PBRM1: variants seen among roughly 807,000 people sequenced by gnomAD.
PBRM1 encodes the protein polybromo 1.
PBRM1 carries 27 observed loss-of-function variants against 194.5 expected under a neutral mutation model. The ratio of observed to expected loss-of-function variants is 0.14; its 90% CI spans 0.10 to 0.19. The LOEUF is 0.19. Among genes scored for constraint, PBRM1 ranks in the 10% least tolerant of loss-of-function variants. The pLI is 1.00. For synonymous variants in PBRM1, 655 were observed against 693.2 expected, an observed-to-expected ratio of 0.94 and a Z score of 0.87; for missense variants, 1,466 against 2,077.2, an observed-to-expected ratio of 0.71 and a Z score of 5.72.
At chr3:52,663,642 C>G (rs914592482) in intron 3 of PBRM1, among the ~76,000 whole-genome samples, 1 of 151,964 alleles carries the variant, frequency 6.6e-6, no homozygotes, top group East Asian at 1.9e-4. Context: ...CAAAGAATCA[C>G]GAGAAAGCTA....
intron 11 of PBRM1, 40 bp from the exon 13 acceptor site, chr3:52,629,075 A>G (rs201283455): frequency 4.0e-6 from 6 of 1,497,162 alleles, no homozygotes; most frequent in Non-Finnish European, 5.5e-6. Flanking sequence ...TTCTGTCATG[A>G]AAATTATGAA....
intron 3 of PBRM1, among the ~76,000 whole-genome samples, chr3:52,665,312 G>T (rs551324179): frequency 6.6e-6 from 1 of 150,476 alleles, no homozygotes; most frequent in African/African-American, 2.4e-5. Flanking sequence ...ACGTCACCAT[G>T]CTCAGCCAAT....
chr3:52,641,446 C>CAA (rs386396638), intron 10 of PBRM1, among the ~76,000 whole-genome samples: 4,270 of 69,560 alleles, frequency 0.061, 222 homozygotes, highest in Non-Finnish European at 0.086. Flanking sequence ...GACTCCATCT[C>CAA]AAAAAAAAAA....
exon 26 of PBRM1, chr3:52,558,338 C>A: frequency 6.5e-7 from 1 of 1,550,042 alleles, no homozygotes; most frequent in Non-Finnish European, 8.7e-7. Flanking sequence ...GGTGCCTGCT[C>A]GGGGAGAAGC....
chr3:52,635,908 GGCTGGAGT>G (rs1353393485), intron 10 of PBRM1, among the ~76,000 whole-genome samples: 2 of 152,092 alleles, frequency 1.3e-5, no homozygotes, highest in Non-Finnish European at 2.9e-5. Flanking sequence ...TCTGTCGCCA[GGCTGGAGT>G]GCAGTGGCGT....
At chr3:52,568,203 T>TC (rs2085963744) in intron 22 of PBRM1, among the ~76,000 whole-genome samples, 1 of 152,204 alleles carries the variant, frequency 6.6e-6, no homozygotes, top group Non-Finnish European at 1.5e-5. Context: ...AGTCTTCGAC[T>TC]CCTGACCTCA....
chr3:52,585,936 A>G (rs2092311553), intron 20 of PBRM1: 1 of 151,090 alleles, frequency 6.6e-6, no homozygotes, highest in Non-Finnish European at 1.5e-5. Context: ...TTACTTTAAA[A>G]AAATTTTTTG....
In PBRM1 at chr3:52,634,385, C is replaced by T. The variant is rs558006229; in HGVS notation, c.1301+217G>A. On this transcript the variant is annotated intron_variant, in intron 11 of 29. Transcript: ENST00000296302. Reference sequence around the variant, plus strand: ...CCAGGAGGCGGAGGTTGCAGTGAGCCGAGATCACGCCACTGCACTCCAGTC... The same window carrying T: ...CCAGGAGGCGGAGGTTGCAGTGAGCTGAGATCACGCCACTGCACTCCAGTC... Among the ~76,000 whole-genome samples, 8 of 143,670 alleles carry T rather than the reference C, an allele frequency of 5.6e-5. No individual in the cohort carries two copies. In the East Asian group the frequency reaches 1.2e-3, roughly 22 times the overall value. 94.3% of individuals were successfully genotyped at this position (143,670 alleles called of 152,430 possible).
chr3:52,636,951 T>C (rs2095847523), intron 10 of PBRM1, among the ~76,000 whole-genome samples: 1 of 151,946 alleles, frequency 6.6e-6, no homozygotes, highest in East Asian at 1.9e-4. Flanking sequence ...TGGGTATTAT[T>C]TCTTTTTCAA....
At chr3:52,587,111 C>A (rs1289818079) in intron 19 of PBRM1, among the ~76,000 whole-genome samples, 1 of 151,980 alleles carries the variant, frequency 6.6e-6, no homozygotes, top group Non-Finnish European at 1.5e-5. Flanking sequence ...TAAAAATTAG[C>A]CTGGCAATAT....
intron 10 of PBRM1, among the ~76,000 whole-genome samples, chr3:52,636,123 G>A (rs904449031): frequency 6.6e-6 from 1 of 151,434 alleles, no homozygotes; most frequent in African/African-American, 2.4e-5. Flanking sequence ...TGCCCGCCTC[G>A]GCCTCCCAAA....
At chr3:52,565,498 A>G (rs1459039440) in intron 22 of PBRM1, among the ~76,000 whole-genome samples, 1 of 151,352 alleles carries the variant, frequency 6.6e-6, no homozygotes, top group East Asian at 1.9e-4. Context: ...ATAGAGCGAG[A>G]CTCAGTCTCA....
chr3:52,593,850 T>G (rs373253156), intron 17 of PBRM1, among the ~76,000 whole-genome samples: 1 of 152,202 alleles, frequency 6.6e-6, no homozygotes, highest in Admixed American at 6.5e-5. Flanking sequence ...TCCAATTGTG[T>G]GGTTGATATT....
intron 5 of PBRM1, among the ~76,000 whole-genome samples, chr3:52,656,801 A>G (rs1007755624): frequency 6.6e-6 from 1 of 150,840 alleles, no homozygotes; most frequent in Non-Finnish European, 1.5e-5. Context: ...CGGTGGCACA[A>G]GCCTGTATAC....
At chr3:52,683,959 CAG>C (rs112528903), upstream of PBRM1, among the ~76,000 whole-genome samples, 66 of 133,250 alleles carry the variant, frequency 5.0e-4, no homozygotes, top group African/African-American at 1.3e-3. Flanking sequence ...CCGCTTGAGG[CAG>C]AGAGTTCAAG....
intron 22 of PBRM1, among the ~76,000 whole-genome samples, chr3:52,565,993 T>G (rs1015867764): frequency 1.6e-4 from 25 of 152,078 alleles, no homozygotes; most frequent in African/African-American, 6.0e-4. Context: ...GAGCTTGCAG[T>G]GAGCCGAGAT....
At position 52,611,299 on chromosome 3, in the gene PBRM1, GAATT is replaced by G. The variant is rs1416029200; in HGVS notation, c.1925-1348_1925-1345del. 3.3e-5 allele frequency among the ~76,000 whole-genome samples: 5 copies of G among 152,164 alleles called. No individual in the cohort carries two copies. In the South Asian group the frequency reaches 6.2e-4, roughly 19 times the overall value. ...TATCACAATTTTACATCCCTTTCATGAATTAATAATTAATGAAGTATGCAACAAC... is the reference window on the plus strand; with the variant it reads ...TATCACAATTTTACATCCCTTTCATGAATAATTAATGAAGTATGCAACAAC... On this transcript the variant is annotated intron_variant, in intron 15 of 29. Transcript: ENST00000296302.
At chr3:52,615,266 T>C in intron 15 of PBRM1, 85 bp downstream of exon 17, 1 of 742,950 alleles carries the variant, frequency 1.3e-6, no homozygotes, top group Non-Finnish European at 2.3e-6. Flanking sequence ...AATATATTCA[T>C]AATTTAATTA....
exon 20 of PBRM1, chr3:52,586,453 C>T (rs35102895): frequency 1.7e-5 from 27 of 1,613,432 alleles, no homozygotes; most frequent in Admixed American, 5.0e-5. Context: ...GTCTTCAGCT[C>T]GACTGTCCTC....
Sources: allele counts gnomAD v4.1 joint callset (sites outside exome capture counted in the v4.1 genomes callset), GRCh38; gene constraint gnomAD v4.1.1; transcripts MANE v1.5; gene names NCBI Gene and HGNC (gene_info 2026-07-23, HGNC 2026-07-21).